ADAMTS12: variants seen among roughly 807,000 people sequenced by gnomAD.
ADAMTS12 encodes the protein ADAM metallopeptidase with thrombospondin type 1 motif 12.
A neutral mutation model predicts 167.8 loss-of-function variants in ADAMTS12; 118 were observed. The ratio of observed to expected loss-of-function variants is 0.70; its 90% CI spans 0.61 to 0.82. The LOEUF (loss-of-function observed/expected upper bound fraction) is 0.82, where lower values mean the gene tolerates loss of function less well. Ranked by LOEUF, ADAMTS12 falls within the 40% of genes least tolerant of loss-of-function variation. The pLI, the probability that ADAMTS12 is intolerant of heterozygous loss-of-function variation, is 0.00. For missense variants in ADAMTS12, 1,916 were observed against 1,998.8 expected, an observed-to-expected ratio of 0.96 and a Z score of 0.79; for synonymous variants, 704 against 716.9, an observed-to-expected ratio of 0.98 and a Z score of 0.29.
intron 3 of ADAMTS12, among the ~76,000 whole-genome samples, chr5:33,751,038 T>G (rs1251956190): frequency 6.6e-6 from 1 of 152,230 alleles, no homozygotes. Flanking sequence ...CTGCTAATAC[T>G]GAAAATCATT....
intron 2 of ADAMTS12, among the ~76,000 whole-genome samples, chr5:33,762,871 C>G (rs956005403): frequency 6.6e-6 from 1 of 152,124 alleles, no homozygotes; most frequent in African/African-American, 2.4e-5. Context: ...CAATACACAC[C>G]AGGAACCTCT....
intron 3 of ADAMTS12, among the ~76,000 whole-genome samples, chr5:33,708,006 G>C (rs528708739): frequency 8.5e-5 from 13 of 152,254 alleles, no homozygotes; most frequent in African/African-American, 2.6e-4. Context: ...AGAATGAGCA[G>C]GCAACCTACA....
At chr5:33,566,748 A>G (rs1263977793) in intron 19 of ADAMTS12, among the ~76,000 whole-genome samples, 2 of 152,152 alleles carry the variant, frequency 1.3e-5, no homozygotes, top group Non-Finnish European at 2.9e-5. Context: ...TTCTGGGCAC[A>G]TAATTGGGTT....
At chr5:33,537,755 C>T (rs1744487931) in intron 22 of ADAMTS12, among the ~76,000 whole-genome samples, 1 of 152,206 alleles carries the variant, frequency 6.6e-6, no homozygotes, top group African/African-American at 2.4e-5. Flanking sequence ...CAATTTGACA[C>T]AGCATTAGAG....
At position 33,735,043 on chromosome 5, in the gene ADAMTS12, G is replaced by C. The variant is rs150259028; in HGVS notation, c.634+16361C>G. The stretch of plus-strand genomic sequence containing the variant: ...TAATAAAATGCTTTTTTAAATAATA[G>C]TACATTTGAGATAACAATAACTAAT... On this transcript the variant is annotated intron_variant, in intron 3 of 23. Coordinates refer to ENST00000504830, the MANE Select transcript of ADAMTS12 (RefSeq NM_030955.4). Among the ~76,000 whole-genome samples the C allele has an allele frequency of 2.0e-5, 3 of 152,266 alleles. No homozygotes were observed. The East Asian group carries it at 5.8e-4, about 29-fold the overall frequency.
intron 2 of ADAMTS12, among the ~76,000 whole-genome samples, chr5:33,805,008 A>G (rs1747167851): frequency 6.6e-6 from 1 of 152,242 alleles, no homozygotes; most frequent in South Asian, 2.1e-4. Flanking sequence ...ATGTCTGACT[A>G]GTACCAATGT....
At chr5:33,871,747 A>T (rs1356866456) in intron 2 of ADAMTS12, among the ~76,000 whole-genome samples, 1 of 152,178 alleles carries the variant, frequency 6.6e-6, no homozygotes, top group East Asian at 1.9e-4. Context: ...CTAAGAAAAA[A>T]AGAGAAAGAA....
intron 19 of ADAMTS12, among the ~76,000 whole-genome samples, chr5:33,575,600 A>T (rs1348659400): frequency 6.6e-6 from 1 of 151,864 alleles, no homozygotes; most frequent in Non-Finnish European, 1.5e-5. Flanking sequence ...CAACCACCAA[A>T]CAGTTGGCAC....
chr5:33,748,564 G>A (rs1331717534), intron 3 of ADAMTS12, among the ~76,000 whole-genome samples: 2 of 152,178 alleles, frequency 1.3e-5, no homozygotes, highest in Admixed American at 6.6e-5. Context: ...TGAAAGGACA[G>A]ATTTTAGGAG....
intron 2 of ADAMTS12, among the ~76,000 whole-genome samples, chr5:33,789,388 G>C (rs1409121252): frequency 2.0e-5 from 3 of 152,234 alleles, no homozygotes; most frequent in Non-Finnish European, 4.4e-5. Flanking sequence ...GGAGAGGTTG[G>C]AGATGGAACA....
chr5:33,596,156 C>T (rs777680588), intron 16 of ADAMTS12, 96 bp from the exon 17 acceptor site: 89 of 1,460,376 alleles, frequency 6.1e-5, no homozygotes, highest in Admixed American at 3.3e-4. Context: ...ATCATGCTGA[C>T]GGCTGATGGG....
In ADAMTS12 at chr5:33,628,181, C is replaced by T. The variant is rs117851754; in HGVS notation, c.2022+2599G>A. ...GCTGACTGTGTGAAGACGGAGGAGT[C>T]CAGGAGCTGAAGTCAACCAACTGGT... On this transcript the variant is annotated intron_variant, in intron 13 of 23. Coordinates refer to ENST00000504830, the MANE Select transcript of ADAMTS12 (RefSeq NM_030955.4). 2.1e-3 allele frequency among the ~76,000 whole-genome samples: 319 copies of T among 151,996 alleles called. 13 individuals carry two copies. In the East Asian group the frequency reaches 0.058, roughly 28 times the overall value.
chr5:33,765,273 A>G (rs1745491053), intron 2 of ADAMTS12, among the ~76,000 whole-genome samples: 1 of 152,228 alleles, frequency 6.6e-6, no homozygotes, highest in Non-Finnish European at 1.5e-5. Context: ...AGTCTTAAGG[A>G]GCAGACATTC....
chr5:33,711,090 A>C (rs1221212746), intron 3 of ADAMTS12, among the ~76,000 whole-genome samples: 1 of 152,104 alleles, frequency 6.6e-6, no homozygotes, highest in Admixed American at 6.6e-5. Context: ...ACCATTTTCA[A>C]ATACCATGTC....
intron 3 of ADAMTS12, among the ~76,000 whole-genome samples, chr5:33,717,343 GA>G (rs1743651967): frequency 6.6e-6 from 1 of 152,070 alleles, no homozygotes; most frequent in Admixed American, 6.6e-5. Context: ...TTTTTCAATG[GA>G]ATAGTTAAGT....
intron 1 of ADAMTS12, 95 bp from the exon 2 acceptor site, chr5:33,881,575 T>TC: frequency 1.3e-6 from 2 of 1,492,216 alleles, no homozygotes; most frequent in Non-Finnish European, 1.8e-6. Flanking sequence ...TTTTTTTTTT[T>TC]TTGGAAATGG....
At position 33,643,443 on chromosome 5, in the gene ADAMTS12, C is replaced by T. The variant is rs138321976; in HGVS notation, c.1507G>A (p.Val503Met). 3.0e-5 allele frequency: 49 copies of T among 1,614,138 alleles called. No homozygotes were observed. Among genetic ancestry groups the T allele is most frequent in the South Asian group, 2.9e-4 (26 of 91,086 alleles). Residue 503 changes from valine (V) to methionine (M), a missense_variant, in exon 10 of 24, where the codon GTG becomes ATG. Coordinates refer to ENST00000504830, the MANE Select transcript of ADAMTS12 (RefSeq NM_030955.4). ...ENVCQTLWCS[V>M]KGFCRSKLDA... ...AGCTTAGAGCGACAAAAGCCCTTCA[C>T]GGAGCACCACAGTGTCTGGCAGACG...
chr5:33,683,033 T>C lies in ADAMTS12; in HGVS notation c.900A>G (p.Leu300=), dbSNP rs1258380758. ...AIHIVVVRLI[L]LEEEEQGLKI... is the part of the protein sequence containing the mutation. ...AAAATGTTACCTCTTCTTCTTCGAGTAGAATGAGCCGAACCACAACAATGT... is the reference window on the plus strand; with the variant it reads ...AAAATGTTACCTCTTCTTCTTCGAGCAGAATGAGCCGAACCACAACAATGT... Residue 300 remains leucine, a synonymous_variant, in exon 5 of 24, where the codon CTA becomes CTG. Coordinates refer to ENST00000504830, the MANE Select transcript of ADAMTS12 (RefSeq NM_030955.4). 3.1e-6 allele frequency: 5 copies of C among 1,612,646 alleles called. No individual in the cohort carries two copies. The highest frequency in any genetic ancestry group is 1.1e-5 in the South Asian group (1 of 90,738).
At position 33,891,805 on chromosome 5, in the gene ADAMTS12, G is replaced by T. The variant is rs1750868592; in HGVS notation, c.52C>A (p.Leu18Ile). 2 of 1,614,236 alleles carry T rather than the reference G, an allele frequency of 1.2e-6. No individual in the cohort carries two copies. The highest frequency in any genetic ancestry group is 1.7e-6 in the Non-Finnish European group (2 of 1,180,038). ...WLANLSVVAQ[L>I]LNFGALCYGR... ...TAGCAAAGCGCCCCAAAGTTAAGGA[G>T]CTGAGCCACCACGGAAAGGTTTGCA... The change falls in exon 1 of 24, where the codon CTC (leucine) becomes ATC (isoleucine). Residue 18 changes from leucine to isoleucine, a missense_variant. Coordinates refer to ENST00000504830, the MANE Select transcript of ADAMTS12 (RefSeq NM_030955.4).
Sources: allele counts gnomAD v4.1 joint callset (sites outside exome capture counted in the v4.1 genomes callset), GRCh38; gene constraint gnomAD v4.1.1; transcripts MANE v1.5; gene names NCBI Gene and HGNC (gene_info 2026-07-23, HGNC 2026-07-21).